SUPT3H: variants seen among roughly 807,000 people sequenced by gnomAD.
The protein encoded by SUPT3H is transcription initiation protein SPT3 homolog.
Under a neutral mutation model 44.3 loss-of-function variants are expected in SUPT3H, and 44 were observed. The observed-to-expected ratio is 0.99, with a 90% CI of 0.78 to 1.28. SUPT3H has a LOEUF of 1.28. SUPT3H is among the 50% of genes most tolerant of loss of function. SUPT3H has a pLI of 0.00. For missense variants in SUPT3H, 380 were observed against 387.1 expected, an observed-to-expected ratio of 0.98 and a Z score of 0.15; for synonymous variants, 124 against 125.6, an observed-to-expected ratio of 0.99 and a Z score of 0.09.
intron 2 of SUPT3H, among the ~76,000 whole-genome samples, chr6:45,245,061 T>C (rs1771100017): frequency 6.6e-6 from 1 of 152,106 alleles, no homozygotes; most frequent in South Asian, 2.1e-4. Context: ...TTTGTAAAAA[T>C]CATTTTTTAA....
At chr6:44,876,655 TA>T (rs969154621) in intron 10 of SUPT3H, among the ~76,000 whole-genome samples, 22 of 144,252 alleles carry the variant, frequency 1.5e-4, no homozygotes, top group South Asian at 4.6e-4. Flanking sequence ...AAGTATAATT[TA>T]AAAAAAAAAT....
intron 2 of SUPT3H, among the ~76,000 whole-genome samples, chr6:45,125,551 A>G (rs1385535668): frequency 6.6e-6 from 1 of 152,108 alleles, no homozygotes; most frequent in African/African-American, 2.4e-5. Flanking sequence ...ACCATTTTCA[A>G]TAGTGCAACG....
chr6:45,279,381 G>A (rs1053504063), intron 2 of SUPT3H, among the ~76,000 whole-genome samples: 4 of 152,152 alleles, frequency 2.6e-5, no homozygotes, highest in African/African-American at 9.7e-5. Context: ...TCCCCTACAA[G>A]ACTCATGTTG....
chr6:44,942,915 C>T (rs1310313353), intron 9 of SUPT3H, among the ~76,000 whole-genome samples: 1 of 152,048 alleles, frequency 6.6e-6, no homozygotes, highest in Non-Finnish European at 1.5e-5. Context: ...ACCACCACCA[C>T]CAATAAAAAC....
chr6:45,279,225 T>C lies in SUPT3H; in HGVS notation c.101+85976A>G, dbSNP rs762398713. Among the ~76,000 whole-genome samples, 73 of 152,254 alleles carry C rather than the reference T, an allele frequency of 4.8e-4. 1 individual carries two copies. Among genetic ancestry groups the C allele is most frequent in the Non-Finnish European group, 8.8e-4 (60 of 68,018 alleles). The stretch of plus-strand genomic sequence containing the variant: ...AAATTATGACATCTGCAAAATAAAA[T>C]ACCATGTGACCAGTAAGCATTACAC... On this transcript the variant is annotated intron_variant, in intron 2 of 10. Transcript: ENST00000371459.
At chr6:45,146,597 T>C (rs1011649207) in intron 2 of SUPT3H, among the ~76,000 whole-genome samples, 1 of 152,168 alleles carries the variant, frequency 6.6e-6, no homozygotes, top group Non-Finnish European at 1.5e-5. Flanking sequence ...AAAATAGATA[T>C]TTTGTTTCTT....
chr6:45,343,158 T>C (rs750872683), intron 2 of SUPT3H, among the ~76,000 whole-genome samples: 3 of 152,188 alleles, frequency 2.0e-5, no homozygotes, highest in Non-Finnish European at 4.4e-5. Flanking sequence ...TCTAAACTCA[T>C]ACTCATAGTG....
At chr6:45,015,300 T>A (rs1166048733) in intron 4 of SUPT3H, among the ~76,000 whole-genome samples, 1 of 152,054 alleles carries the variant, frequency 6.6e-6, no homozygotes, top group Non-Finnish European at 1.5e-5. Flanking sequence ...TATGCAAGGG[T>A]AAGAAAATGG....
chr6:45,128,543 TATATATATATATATACACAC>T (rs1390455304), intron 2 of SUPT3H, among the ~76,000 whole-genome samples: 4 of 58,086 alleles, frequency 6.9e-5, no homozygotes, highest in Non-Finnish European at 1.2e-4. Flanking sequence ...AATATATATA[TATATATATATATATACACAC>T]ACACACACAC....
intron 2 of SUPT3H, among the ~76,000 whole-genome samples, chr6:45,237,541 G>C (rs115350259): frequency 0.018 from 2,671 of 152,248 alleles, 51 homozygotes; most frequent in South Asian, 0.085. Context: ...TATGGGACTA[G>C]GACAAAATTT....
At chr6:45,224,822 C>A (rs536387204) in intron 2 of SUPT3H, among the ~76,000 whole-genome samples, 2 of 151,336 alleles carry the variant, frequency 1.3e-5, no homozygotes, top group African/African-American at 4.9e-5. Flanking sequence ...AAACTACACC[C>A]AACAGATTTT....
intron 2 of SUPT3H, among the ~76,000 whole-genome samples, chr6:45,333,798 A>G (rs537660154): frequency 2.1e-4 from 32 of 151,360 alleles, no homozygotes; most frequent in Admixed American, 1.8e-3. Flanking sequence ...CCTCTACTCT[A>G]TATTCTTGTT....
intron 10 of SUPT3H, among the ~76,000 whole-genome samples, chr6:44,870,616 GAAAGAA>G (rs1355879896): frequency 2.1e-5 from 3 of 144,294 alleles, no homozygotes; most frequent in Non-Finnish European, 3.1e-5. Context: ...AAAAAAAAAA[GAAAGAA>G]AAAGAAAAAG....
intron 2 of SUPT3H, among the ~76,000 whole-genome samples, chr6:45,297,023 C>T (rs953229152): frequency 1.3e-5 from 2 of 148,918 alleles, no homozygotes; most frequent in African/African-American, 2.5e-5. Flanking sequence ...CACTAAAGAA[C>T]TTATTCATGT....
At chr6:44,904,583 G>C (rs1010084169) in intron 10 of SUPT3H, among the ~76,000 whole-genome samples, 2 of 152,156 alleles carry the variant, frequency 1.3e-5, no homozygotes, top group East Asian at 3.9e-4. Context: ...TCATGAAAAT[G>C]GCCATACTGC....
intron 2 of SUPT3H, among the ~76,000 whole-genome samples, chr6:45,205,584 G>A (rs1287042422): frequency 6.6e-6 from 1 of 152,116 alleles, no homozygotes; most frequent in Non-Finnish European, 1.5e-5. Flanking sequence ...ATCACTTGAG[G>A]TCAGGAGTTT....
At chr6:45,149,402 T>C (rs1255491617) in intron 2 of SUPT3H, among the ~76,000 whole-genome samples, 1 of 152,192 alleles carries the variant, frequency 6.6e-6, no homozygotes, top group East Asian at 1.9e-4. Flanking sequence ...GGTTCCACTA[T>C]GTACAGTCTA....
At chr6:44,909,401 T>G (rs1253649390) in intron 10 of SUPT3H, among the ~76,000 whole-genome samples, 1 of 152,168 alleles carries the variant, frequency 6.6e-6, no homozygotes, top group Non-Finnish European at 1.5e-5. Context: ...ATATTTCATT[T>G]TCTATATGAA....
At chr6:45,372,869 G>A (rs946415329) in intron 1 of SUPT3H, among the ~76,000 whole-genome samples, 3 of 152,074 alleles carry the variant, frequency 2.0e-5, no homozygotes, top group Non-Finnish European at 4.4e-5. Flanking sequence ...CCAGGCTGTA[G>A]TGTAATGGCA....
Sources: gnomAD v4.1 joint callset for allele counts (sites outside exome capture counted in the v4.1 genomes callset) on GRCh38, gnomAD v4.1.1 for gene constraint, MANE v1.5 for transcripts, NCBI Gene and HGNC (gene_info 2026-07-23, HGNC 2026-07-21) for gene names.